Variants in MAPKAP1 observed in about 807,000 individuals in gnomAD.
MAPKAP1 encodes the protein target of rapamycin complex 2 subunit MAPKAP1.
A neutral mutation model predicts 65.7 loss-of-function variants in MAPKAP1; 20 were observed. The observed-to-expected ratio is 0.30, with a 90% CI of 0.21 to 0.44. The LOEUF (loss-of-function observed/expected upper bound fraction) is 0.44, where lower values mean the gene tolerates loss of function less well. Ranked by LOEUF, MAPKAP1 falls within the 20% of genes least tolerant of loss-of-function variation. The pLI, the probability that MAPKAP1 is intolerant of heterozygous loss-of-function variation, is 1.00. For missense variants in MAPKAP1, 423 were observed against 648.0 expected (o/e 0.65, Z 3.77); for synonymous variants, 222 against 244.3 (o/e 0.91, Z 0.85).
chr9:125,447,473 G>A lies in MAPKAP1; in HGVS notation c.1346-2875C>T, dbSNP rs1564514027. 2.2e-6 allele frequency: 1 copy of A among 456,658 alleles called. No individual in the cohort carries two copies. Among genetic ancestry groups the A allele is most frequent in the Non-Finnish European group, 4.4e-6 (1 of 226,966 alleles). The allele number at this position is 456,658 out of a possible 1,614,324, so 28.3% of individuals were successfully genotyped here. A position where few individuals can be genotyped will look rare whatever the true frequency, so the allele number is the denominator to read the frequency against. Reference sequence around the variant, plus strand: ...AGCCCCCTCTTGCTCTCTGCAAGGAGTGATGAGCGGAACCCTGGGGGGCAA... The same window carrying A: ...AGCCCCCTCTTGCTCTCTGCAAGGAATGATGAGCGGAACCCTGGGGGGCAA... On this transcript the variant is annotated intron_variant, in intron 10 of 11. Coordinates refer to ENST00000265960, the MANE Select transcript of MAPKAP1 (RefSeq NM_001006617.3). This position sits in a 1 kb window ranked among gnomAD's most constrained non-coding sequence, Gnocchi z 4.5.
intron 6 of MAPKAP1, among the ~76,000 whole-genome samples, chr9:125,556,371 A>C (rs1830735138): frequency 6.6e-6 from 1 of 152,238 alleles, no homozygotes; most frequent in Non-Finnish European, 1.5e-5. Flanking sequence ...AACCAACACC[A>C]GATTCCCCAG....
chr9:125,550,274 A>G (rs1363391709), intron 6 of MAPKAP1, among the ~76,000 whole-genome samples: 2 of 152,198 alleles, frequency 1.3e-5, no homozygotes, highest in Non-Finnish European at 2.9e-5. Context: ...CTAGCCTGAC[A>G]TGTACATAGC....
intron 4 of MAPKAP1, among the ~76,000 whole-genome samples, chr9:125,640,399 G>C (rs1047222560): frequency 6.6e-6 from 1 of 151,718 alleles, no homozygotes; most frequent in South Asian, 2.1e-4. Context: ...CACCATGCCC[G>C]GCCACATTCT....
chr9:125,444,951 C>G (rs941321034), intron 10 of MAPKAP1, among the ~76,000 whole-genome samples: 2 of 152,164 alleles, frequency 1.3e-5, no homozygotes, highest in Non-Finnish European at 2.9e-5. Flanking sequence ...TAAAAATAAA[C>G]TAACTGTTTA....
intron 3 of MAPKAP1, among the ~76,000 whole-genome samples, chr9:125,660,625 C>A (rs1834157105): frequency 6.6e-6 from 1 of 152,136 alleles, no homozygotes; most frequent in South Asian, 2.1e-4. Flanking sequence ...TGATCTTTCC[C>A]CAAAGCTCCC....
chr9:125,454,069 GT>G (rs1346521205), intron 10 of MAPKAP1, among the ~76,000 whole-genome samples: 5 of 152,192 alleles, frequency 3.3e-5, no homozygotes, highest in African/African-American at 1.2e-4. Flanking sequence ...CAAACAACTG[GT>G]TCAGCTTGCA....
chr9:125,486,133 T>C (rs770162102), intron 8 of MAPKAP1, among the ~76,000 whole-genome samples: 1 of 152,246 alleles, frequency 6.6e-6, no homozygotes, highest in Non-Finnish European at 1.5e-5. Context: ...GTGCTTACCA[T>C]GTGCCAGGCT....
intron 1 of MAPKAP1, among the ~76,000 whole-genome samples, chr9:125,680,618 C>A (rs905955613): frequency 6.6e-6 from 1 of 152,018 alleles, no homozygotes; most frequent in African/African-American, 2.4e-5. Context: ...TTTTTATTTC[C>A]ATATTTTGAC....
intron 10 of MAPKAP1, among the ~76,000 whole-genome samples, chr9:125,459,117 C>T (rs1249538184): frequency 1.4e-5 from 2 of 144,800 alleles, no homozygotes; most frequent in African/African-American, 2.6e-5. Context: ...CGGGCAGAGA[C>T]GCTCTTCACC....
chr9:125,672,301 G>C lies in MAPKAP1; in HGVS notation c.259+15C>G, dbSNP rs1186693155. On this transcript the variant is annotated intron_variant, in intron 2 of 11. Coordinates refer to ENST00000265960, the MANE Select transcript of MAPKAP1 (RefSeq NM_001006617.3). The stretch of plus-strand genomic sequence containing the variant: ...ATTTAAAGCTCAGAAGACATGACTA[G>C]AACACAATGTTTACCTGTGTTTGAG... The C allele has an allele frequency of 1.9e-6, 3 of 1,613,100 alleles. No homozygotes were observed. The highest frequency in any genetic ancestry group is 2.5e-6 in the Non-Finnish European group (3 of 1,179,264).
chr9:125,482,364 G>T (rs577974826), intron 9 of MAPKAP1, among the ~76,000 whole-genome samples: 6 of 152,160 alleles, frequency 3.9e-5, no homozygotes, highest in African/African-American at 1.4e-4. Context: ...TTATTTCCTT[G>T]TATTTGTGAA....
Position 125,669,861 on chromosome 9 carries a change from T to C in MAPKAP1, c.306A>G (p.Lys102=), listed in dbSNP as rs1235569355. ...RLRKERQNQI[K]CKNIQWKERN... is the part of the protein sequence containing the mutation. ...TTTCTTTCCACTGAATATTTTTGCATTTGATCTGGTTTTGTCTCTCTTTTC... is the reference window on the plus strand; with the variant it reads ...TTTCTTTCCACTGAATATTTTTGCACTTGATCTGGTTTTGTCTCTCTTTTC... The change falls in exon 3 of 12, where the codon AAA becomes AAG. Residue 102 remains lysine (K), a synonymous_variant. Transcript: ENST00000265960. 3 of 1,596,862 alleles carry C rather than the reference T, an allele frequency of 1.9e-6. No homozygotes were observed. Among genetic ancestry groups the C allele is most frequent in the Non-Finnish European group, 2.6e-6 (3 of 1,169,756 alleles).
rs572190572 is a variant in MAPKAP1 at position 125,613,103 on chromosome 9, T to TA, written c.499-27377dup. Among the ~76,000 whole-genome samples the TA allele has an allele frequency of 3.7e-4, 57 of 152,278 alleles. No homozygotes were observed. In the East Asian group the frequency reaches 0.011, roughly 29 times the overall value. Reference sequence around the variant, plus strand: ...AATACTTGAAGAGACAGATGAGTGTTAGTCATGACCTCAAGACCAGTGGTA... The same window carrying TA: ...AATACTTGAAGAGACAGATGAGTGTTAAGTCATGACCTCAAGACCAGTGGTA... On this transcript the variant is annotated intron_variant, in intron 4 of 11. Transcript: ENST00000265960.
At chr9:125,510,183 A>C (rs1829257161) in intron 7 of MAPKAP1, among the ~76,000 whole-genome samples, 1 of 152,104 alleles carries the variant, frequency 6.6e-6, no homozygotes, top group East Asian at 1.9e-4. Flanking sequence ...AAAAAGTAGG[A>C]AGGGGGAAAA....
At chr9:125,563,482 G>C (rs1242873390) in intron 5 of MAPKAP1, among the ~76,000 whole-genome samples, 1 of 152,110 alleles carries the variant, frequency 6.6e-6, no homozygotes, top group Non-Finnish European at 1.5e-5. Context: ...ATTCTCCTTT[G>C]TGGTCTTACA....
chr9:125,658,819 TAA>T (rs1241369384), intron 3 of MAPKAP1, among the ~76,000 whole-genome samples: 2 of 152,192 alleles, frequency 1.3e-5, no homozygotes, highest in Admixed American at 1.3e-4. Flanking sequence ...TGTCCACACT[TAA>T]AGTTTTTAAA....
chr9:125,517,486 A>G (rs1829496673), intron 7 of MAPKAP1, among the ~76,000 whole-genome samples: 1 of 152,174 alleles, frequency 6.6e-6, no homozygotes. Context: ...AACTATACCC[A>G]TTTCTAGTCT....
chr9:125,486,410 T>C (rs1336567606), intron 8 of MAPKAP1, among the ~76,000 whole-genome samples: 1 of 152,204 alleles, frequency 6.6e-6, no homozygotes, highest in African/African-American at 2.4e-5. Flanking sequence ...AGGCCTCGTG[T>C]TGAGCACTCA....
chr9:125,473,185 C>T (rs944310568), intron 9 of MAPKAP1, among the ~76,000 whole-genome samples: 6 of 151,924 alleles, frequency 3.9e-5, no homozygotes, highest in African/African-American at 1.5e-4. Flanking sequence ...TACACTACAC[C>T]CAACCTGGTG....
Sources: gnomAD v4.1 joint callset for allele counts (sites outside exome capture counted in the v4.1 genomes callset) on GRCh38, gnomAD v4.1.1 for gene constraint, Gnocchi (gnomAD v3.1) non-coding constraint, MANE v1.5 for transcripts, NCBI Gene and HGNC (gene_info 2026-07-23, HGNC 2026-07-21) for gene names.